Variants in MSRA observed in about 807,000 individuals in gnomAD.
MSRA encodes methionine sulfoxide reductase A, also known as mitochondrial peptide methionine sulfoxide reductase.
In MSRA, 54 loss-of-function variants were observed where a neutral mutation model predicts 31.3. The observed-to-expected ratio is 1.73, with a 90% CI of 1.39 to 2.17. The LOEUF is 2.17. Among genes scored for constraint, MSRA ranks in the 30% most tolerant of loss-of-function variants. The pLI is 0.00. For missense variants in MSRA, 507 were observed against 300.9 expected, an observed-to-expected ratio of 1.69 and a Z score of -5.07; for synonymous variants, 169 against 116.5, an observed-to-expected ratio of 1.45 and a Z score of -2.90.
chr8:10,154,487 C>G (rs35665501), intron 1 of MSRA, among the ~76,000 whole-genome samples: 1 of 151,842 alleles, frequency 6.6e-6, no homozygotes, highest in Non-Finnish European at 1.5e-5. Flanking sequence ...ATGCCATTCT[C>G]CTGCCTCAGC....
chr8:10,284,688 C>A (rs888366978), intron 3 of MSRA, among the ~76,000 whole-genome samples: 2 of 152,118 alleles, frequency 1.3e-5, no homozygotes, highest in Non-Finnish European at 2.9e-5. Context: ...GATTCTGGAG[C>A]TACATTATGG....
At chr8:10,285,844 T>G (rs2129111288) in intron 3 of MSRA, among the ~76,000 whole-genome samples, 1 of 152,240 alleles carries the variant, frequency 6.6e-6, no homozygotes, top group East Asian at 1.9e-4. Flanking sequence ...AAAACAAAAT[T>G]AAATATTAAT....
intron 1 of MSRA, among the ~76,000 whole-genome samples, chr8:10,205,280 G>C (rs904833493): frequency 1.4e-4 from 21 of 152,158 alleles, no homozygotes; most frequent in African/African-American, 4.8e-4. Flanking sequence ...TTTGGGGCTA[G>C]GGAGGCTTCG....
At chr8:10,201,946 C>G (rs995139693) in intron 1 of MSRA, among the ~76,000 whole-genome samples, 1 of 152,256 alleles carries the variant, frequency 6.6e-6, no homozygotes, top group African/African-American at 2.4e-5. Context: ...GGCATGTGCC[C>G]AACCCACCAG....
intron 2 of MSRA, among the ~76,000 whole-genome samples, chr8:10,223,885 C>T (rs983002292): frequency 1.2e-4 from 19 of 152,090 alleles, no homozygotes; most frequent in African/African-American, 4.3e-4. Flanking sequence ...TTCCCCACTC[C>T]GAATTCCTTT....
intron 1 of MSRA, among the ~76,000 whole-genome samples, chr8:10,186,183 A>C (rs2129051900): frequency 6.6e-6 from 1 of 152,144 alleles, no homozygotes; most frequent in South Asian, 2.1e-4. Flanking sequence ...TCACCTCTTC[A>C]CTGAAAGAGG....
intron 1 of MSRA, among the ~76,000 whole-genome samples, chr8:10,078,307 G>A (rs544008246): frequency 1.3e-5 from 2 of 152,328 alleles, no homozygotes; most frequent in Admixed American, 6.5e-5. Flanking sequence ...TAGAGACCAG[G>A]ATGGAAGCTG....
chr8:10,285,153 G>A (rs553862584), intron 3 of MSRA, among the ~76,000 whole-genome samples: 5 of 151,796 alleles, frequency 3.3e-5, no homozygotes, highest in Admixed American at 6.6e-5. Context: ...TCCACTCCTC[G>A]AGCTCTCTTC....
intron 5 of MSRA, among the ~76,000 whole-genome samples, chr8:10,359,278 C>A (rs546712959): frequency 6.6e-6 from 1 of 152,194 alleles, no homozygotes; most frequent in African/African-American, 2.4e-5. Context: ...TTCCTTCTTA[C>A]CTTTTTTCTT....
At chr8:10,269,002 G>T (rs1317848626) in intron 3 of MSRA, among the ~76,000 whole-genome samples, 1 of 152,200 alleles carries the variant, frequency 6.6e-6, no homozygotes, top group African/African-American at 2.4e-5. Context: ...GGCATAGCCC[G>T]CAAACCCATT....
chr8:10,310,973 T>C (rs1801403046), intron 4 of MSRA, among the ~76,000 whole-genome samples: 1 of 152,230 alleles, frequency 6.6e-6, no homozygotes, highest in African/African-American at 2.4e-5. Context: ...CCAGGAAGAG[T>C]TTCACATATC....
At chr8:10,311,938 C>A (rs1012494867) in intron 4 of MSRA, among the ~76,000 whole-genome samples, 1 of 152,226 alleles carries the variant, frequency 6.6e-6, no homozygotes, top group South Asian at 2.1e-4. Flanking sequence ...TCTGAATATC[C>A]TAGTTATCAA....
intron 1 of MSRA, among the ~76,000 whole-genome samples, chr8:10,187,206 C>T (rs145727238): frequency 1.2e-3 from 185 of 152,314 alleles, no homozygotes; most frequent in Non-Finnish European, 1.9e-3. Flanking sequence ...GACATTTGGT[C>T]TCCACATGAT....
At chr8:10,126,882 T>G (rs1231576143) in intron 1 of MSRA, among the ~76,000 whole-genome samples, 2 of 152,190 alleles carry the variant, frequency 1.3e-5, no homozygotes, top group African/African-American at 2.4e-5. Flanking sequence ...GGGTTCGCAC[T>G]CCTATGAGAA....
intron 5 of MSRA, among the ~76,000 whole-genome samples, chr8:10,328,951 G>A (rs573217114): frequency 1.3e-4 from 20 of 152,122 alleles, no homozygotes; most frequent in Non-Finnish European, 2.8e-4. Context: ...ATGCTGCCTG[G>A]TTGAGGCTAT....
At chr8:10,363,738 C>CCACACACACACACATACACACA (rs1554540791) in intron 5 of MSRA, among the ~76,000 whole-genome samples, 4 of 103,288 alleles carry the variant, frequency 3.9e-5, no homozygotes, top group Non-Finnish European at 7.8e-5. Context: ...GATGCAGTCA[C>CCACACACACACACATACACACA]CACACACACA....
intron 5 of MSRA, among the ~76,000 whole-genome samples, chr8:10,415,393 G>C (rs549282850): frequency 8.5e-5 from 13 of 152,296 alleles, no homozygotes; most frequent in Admixed American, 8.5e-4. Flanking sequence ...AGACCTTGCT[G>C]CATGCAAGCA....
intron 1 of MSRA, among the ~76,000 whole-genome samples, chr8:10,202,991 C>G (rs150188633): frequency 6.8e-4 from 104 of 152,080 alleles, no homozygotes; most frequent in African/African-American, 2.2e-3. Flanking sequence ...TCTGTCCTGT[C>G]TCCTGCTTGT....
At chr8:10,083,138 C>T (rs1045551735) in intron 1 of MSRA, among the ~76,000 whole-genome samples, 1 of 152,158 alleles carries the variant, frequency 6.6e-6, no homozygotes, top group Non-Finnish European at 1.5e-5. Flanking sequence ...CACTCAGATA[C>T]ATTTTTTTCT....
Sources: gnomAD v4.1 joint callset for allele counts (sites outside exome capture counted in the v4.1 genomes callset) on GRCh38, gnomAD v4.1.1 for gene constraint, MANE v1.5 for transcripts, NCBI Gene and HGNC (gene_info 2026-07-23, HGNC 2026-07-21) for gene names.